Variants in MOGAT1 observed in about 807,000 individuals in gnomAD.
MOGAT1 encodes monoacylglycerol O-acyltransferase 1.
In MOGAT1, 32 loss-of-function variants were observed where a neutral mutation model predicts 31.4. The ratio of observed to expected loss-of-function variants is 1.02; its 90% CI spans 0.77 to 1.37. The LOEUF (loss-of-function observed/expected upper bound fraction) is 1.37, where lower values mean the gene tolerates loss of function less well. Among genes scored for constraint, MOGAT1 ranks in the 40% most tolerant of loss-of-function variants. MOGAT1 has a pLI of 0.00. For synonymous variants in MOGAT1, 145 were observed against 144.5 expected (o/e 1.00, Z -0.03); for missense variants, 426 against 402.0 (o/e 1.06, Z -0.51).
intron 1 of MOGAT1, among the ~76,000 whole-genome samples, chr2:222,674,453 T>G (rs922485949): frequency 6.6e-6 from 1 of 152,214 alleles, no homozygotes; most frequent in Non-Finnish European, 1.5e-5. Context: ...TCACTTTTTT[T>G]GTATAATTTT....
At chr2:222,700,083 C>T (rs1311774754) in intron 5 of MOGAT1, among the ~76,000 whole-genome samples, 3 of 152,122 alleles carry the variant, frequency 2.0e-5, no homozygotes, top group African/African-American at 7.2e-5. Flanking sequence ...ATGCAAAGTA[C>T]TATTGTTAGC....
intron 1 of MOGAT1, among the ~76,000 whole-genome samples, chr2:222,673,540 T>C (rs1346424882): frequency 1.7e-4 from 26 of 152,160 alleles, no homozygotes. Context: ...GGACTATTCC[T>C]ACACTCCTGG....
Position 222,683,279 on chromosome 2 carries a change from C to A in MOGAT1, c.95-5065C>A, listed in dbSNP as rs572330122. Among the ~76,000 whole-genome samples, 3 of 150,880 alleles carry A rather than the reference C, an allele frequency of 2.0e-5. No homozygotes were observed. In the South Asian group the frequency reaches 6.3e-4, roughly 32 times the overall value. ...GAGCTGAGGGAGGAATGGGGAGTAACTGCTTAATGGGTAAAGGGTTTTATT... is the reference window on the plus strand; with the variant it reads ...GAGCTGAGGGAGGAATGGGGAGTAAATGCTTAATGGGTAAAGGGTTTTATT... On this transcript the variant is annotated intron_variant, in intron 1 of 5. Transcript: ENST00000446656.
chr2:222,690,816 T>C (rs1692747880), intron 3 of MOGAT1, among the ~76,000 whole-genome samples: 1 of 152,206 alleles, frequency 6.6e-6, no homozygotes, highest in African/African-American at 2.4e-5. Flanking sequence ...TATCCCCCTC[T>C]TAACCACCGA....
chr2:222,679,323 A>G (rs1488798152), intron 1 of MOGAT1, among the ~76,000 whole-genome samples: 1 of 152,192 alleles, frequency 6.6e-6, no homozygotes, highest in Non-Finnish European at 1.5e-5. Context: ...AGATACTGTT[A>G]GTCTTCAAAC....
At chr2:222,704,367 G>A (rs997610149) in intron 5 of MOGAT1, among the ~76,000 whole-genome samples, 10 of 152,156 alleles carry the variant, frequency 6.6e-5, no homozygotes, top group African/African-American at 2.2e-4. Flanking sequence ...GCTCACGCTT[G>A]TAATCCCAGC....
chr2:222,709,726 T>C lies in MOGAT1; in HGVS notation c.854-10T>C, dbSNP rs1693083958. On this transcript the variant is annotated splice_polypyrimidine_tract_variant and intron_variant, in intron 5 of 5. Coordinates refer to ENST00000446656, the MANE Select transcript of MOGAT1 (RefSeq NM_058165.3). ...AGTTCCTCACGTATGATGTATTCCC[T>C]GATTTGCAGTTGGCCGCCCGATCCC... The C allele has an allele frequency of 2.5e-6, 4 of 1,610,978 alleles. No homozygotes were observed. Among genetic ancestry groups the C allele is most frequent in the Admixed American group, 1.7e-5 (1 of 59,490 alleles).
chr2:222,707,497 C>T (rs1219681307), intron 5 of MOGAT1, among the ~76,000 whole-genome samples: 1 of 152,028 alleles, frequency 6.6e-6, no homozygotes, highest in African/African-American at 2.4e-5. Flanking sequence ...GCTCAGGGCA[C>T]TTACTGGTGA....
At chr2:222,687,129 AAAAAAAAAAAGAAAGAACAAG>A (rs1327692062) in intron 1 of MOGAT1, among the ~76,000 whole-genome samples, 2 of 122,168 alleles carry the variant, frequency 1.6e-5, no homozygotes, top group African/African-American at 7.8e-5. Flanking sequence ...AAAAAAAAAA[AAAAAAAAAAAGAAAGAACAAG>A]AAAGAAAGAA....
intron 1 of MOGAT1, among the ~76,000 whole-genome samples, chr2:222,687,113 CAAAAAA>C (rs1177781176): frequency 0.011 from 236 of 22,416 alleles, no homozygotes; most frequent in African/African-American, 0.024. Context: ...GACTCCATCT[CAAAAAA>C]AAAAAAAAAA....
At chr2:222,679,495 G>A (rs770337333) in intron 1 of MOGAT1, among the ~76,000 whole-genome samples, 1 of 152,122 alleles carries the variant, frequency 6.6e-6, no homozygotes, top group African/African-American at 2.4e-5. Flanking sequence ...AGTTTAATTT[G>A]TAGAAAACTA....
chr2:222,685,003 C>T (rs375133681), intron 1 of MOGAT1, among the ~76,000 whole-genome samples: 346 of 152,264 alleles, frequency 2.3e-3, no homozygotes, highest in Non-Finnish European at 3.7e-3. Context: ...TGAATTAGCA[C>T]TGGTAATCAA....
intron 1 of MOGAT1, among the ~76,000 whole-genome samples, chr2:222,683,241 A>G (rs1692609518): frequency 6.6e-6 from 1 of 151,802 alleles, no homozygotes. Context: ...TAGATTGGTA[A>G]TTGCCAGTGG....
intron 1 of MOGAT1, chr2:222,677,664 CA>C: frequency 2.6e-6 from 1 of 389,094 alleles, no homozygotes; most frequent in Non-Finnish European, 5.1e-6. Context: ...AGCTAAAACT[CA>C]AAGGATTCTA....
chr2:222,696,096 C>T (rs1043689275), intron 5 of MOGAT1, among the ~76,000 whole-genome samples: 1 of 152,196 alleles, frequency 6.6e-6, no homozygotes, highest in African/African-American at 2.4e-5. Flanking sequence ...GCCATTATTT[C>T]ATTACTTCTT....
At chr2:222,685,983 T>C (rs1182596062) in intron 1 of MOGAT1, among the ~76,000 whole-genome samples, 1 of 152,288 alleles carries the variant, frequency 6.6e-6, no homozygotes, top group East Asian at 1.9e-4. Flanking sequence ...GTTCGGTTAG[T>C]GAAATATTGA....
chr2:222,700,156 G>GT (rs1692899269), intron 5 of MOGAT1, among the ~76,000 whole-genome samples: 1 of 152,250 alleles, frequency 6.6e-6, no homozygotes. Flanking sequence ...TTAATGAAAT[G>GT]TAACCATATG....
intron 1 of MOGAT1, among the ~76,000 whole-genome samples, chr2:222,677,376 C>T (rs1692514170): frequency 6.6e-6 from 1 of 152,242 alleles, no homozygotes; most frequent in Non-Finnish European, 1.5e-5. Context: ...ATCAGGAGAT[C>T]AAGACCATCC....
At chr2:222,688,623 CT>C in intron 2 of MOGAT1, 101 bp downstream of exon 2, 1 of 836,430 alleles carries the variant, frequency 1.2e-6, no homozygotes, top group Non-Finnish European at 1.8e-6. Flanking sequence ...GAGGGGATGT[CT>C]TAGTCTGTTT....
Sources: gnomAD v4.1 joint callset for allele counts (sites outside exome capture counted in the v4.1 genomes callset) on GRCh38, gnomAD v4.1.1 for gene constraint, MANE v1.5 for transcripts, NCBI Gene and HGNC (gene_info 2026-07-23, HGNC 2026-07-21) for gene names.